The following CHRM3 variants were observed in gnomAD, a reference collection of about 807,000 sequenced individuals.
CHRM3 encodes the protein cholinergic receptor muscarinic 3, also known as muscarinic acetylcholine receptor M3.
In CHRM3, 11 loss-of-function variants were observed where a neutral mutation model predicts 41.8. That is an observed-to-expected ratio of 0.26 (90% confidence interval 0.17 to 0.44). The LOEUF is 0.44. Ranked by LOEUF, CHRM3 falls within the 20% of genes least tolerant of loss-of-function variation. The pLI is 1.00. For missense variants in CHRM3, 571 were observed against 745.4 expected (o/e 0.77, Z 2.72); for synonymous variants, 297 against 301.4 (o/e 0.99, Z 0.15).
chr1:239,568,753 A>G (rs1214059036), intron 3 of CHRM3, among the ~76,000 whole-genome samples: 1 of 151,998 alleles, frequency 6.6e-6, no homozygotes, highest in African/African-American at 2.4e-5. Flanking sequence ...GGACCCACAA[A>G]AGGGCAGCTT....
At position 239,882,550 on chromosome 1, in the gene CHRM3, C is replaced by G. The variant is rs534395330; in HGVS notation, c.-19-24883C>G. 3.3e-5 allele frequency among the ~76,000 whole-genome samples: 5 copies of G among 152,230 alleles called. No individual in the cohort carries two copies. In the South Asian group the frequency reaches 1.0e-3, roughly 32 times the overall value. On this transcript the variant is annotated intron_variant, in intron 6 of 6. Coordinates refer to ENST00000676153, the MANE Select transcript of CHRM3 (RefSeq NM_001375978.1). ...TTACCACTTAGGTACAGAGAGATAACAGAGAGATGCAGGAAGTTGCCTAAG... is the reference window on the plus strand; with the variant it reads ...TTACCACTTAGGTACAGAGAGATAAGAGAGAGATGCAGGAAGTTGCCTAAG...
At chr1:239,480,545 T>A (rs1050464924) in intron 1 of CHRM3, among the ~76,000 whole-genome samples, 2 of 73,468 alleles carry the variant, frequency 2.7e-5, no homozygotes, top group Admixed American at 1.1e-4. Flanking sequence ...ATAGCCCAAT[T>A]TTTTTTTTTT....
chr1:239,759,404 A>G (rs1666548098), intron 5 of CHRM3, among the ~76,000 whole-genome samples: 1 of 151,818 alleles, frequency 6.6e-6, no homozygotes, highest in Non-Finnish European at 1.5e-5. Flanking sequence ...GAGGATGAAT[A>G]TAAGTACCCT....
chr1:239,431,381 T>C (rs935921309), intron 1 of CHRM3, among the ~76,000 whole-genome samples: 34 of 152,182 alleles, frequency 2.2e-4, no homozygotes, highest in African/African-American at 8.2e-4. Context: ...GCAATTAAAA[T>C]GCCTGAGGAT....
At chr1:239,467,347 G>A (rs890318605) in intron 1 of CHRM3, among the ~76,000 whole-genome samples, 1 of 152,104 alleles carries the variant, frequency 6.6e-6, no homozygotes, top group Admixed American at 6.5e-5. Context: ...TGTCACCCAG[G>A]CTGGAGTGCA....
chr1:239,761,841 T>C (rs1666811262), intron 5 of CHRM3, among the ~76,000 whole-genome samples: 1 of 152,200 alleles, frequency 6.6e-6, no homozygotes, highest in Admixed American at 6.5e-5. Context: ...TTCCTCGCTT[T>C]GCCACTTTCT....
chr1:239,691,859 G>T (rs1031068380), intron 5 of CHRM3, among the ~76,000 whole-genome samples: 1 of 152,148 alleles, frequency 6.6e-6, no homozygotes, highest in African/African-American at 2.4e-5. Context: ...CACCATTTGA[G>T]AATCCCCCCT....
chr1:239,888,903 A>G (rs1353446687), intron 6 of CHRM3, among the ~76,000 whole-genome samples: 2 of 152,130 alleles, frequency 1.3e-5, no homozygotes, highest in Non-Finnish European at 2.9e-5. Context: ...AGACTGAGTA[A>G]CCAAGCTAAG....
intron 1 of CHRM3, among the ~76,000 whole-genome samples, chr1:239,490,343 T>A (rs1667474870): frequency 6.6e-6 from 1 of 152,152 alleles, no homozygotes; most frequent in Non-Finnish European, 1.5e-5. Context: ...TGTTTCTAAA[T>A]TTATTTATGA....
intron 1 of CHRM3, among the ~76,000 whole-genome samples, chr1:239,405,504 A>G (rs1660523819): frequency 6.6e-6 from 1 of 152,158 alleles, no homozygotes; most frequent in Non-Finnish European, 1.5e-5. Flanking sequence ...ATTAGAATAG[A>G]TGGGTGTAGT....
chr1:239,445,516 C>T (rs561519744), intron 1 of CHRM3, among the ~76,000 whole-genome samples: 5 of 152,196 alleles, frequency 3.3e-5, no homozygotes, highest in African/African-American at 1.2e-4. Context: ...GACTGTGTAG[C>T]CACTGTCTAA....
At chr1:239,530,887 G>A (rs997223426) in intron 2 of CHRM3, among the ~76,000 whole-genome samples, 2 of 152,060 alleles carry the variant, frequency 1.3e-5, no homozygotes, top group African/African-American at 2.4e-5. Context: ...AAAGAAAAAG[G>A]CAGAAAAGGC....
At chr1:239,596,048 T>A (rs1664737977) in intron 3 of CHRM3, among the ~76,000 whole-genome samples, 1 of 152,222 alleles carries the variant, frequency 6.6e-6, no homozygotes, top group Non-Finnish European at 1.5e-5. Flanking sequence ...TGGATGTATT[T>A]ATAAAAGTTA....
At chr1:239,657,051 A>G (rs1451686997) in intron 4 of CHRM3, among the ~76,000 whole-genome samples, 1 of 152,216 alleles carries the variant, frequency 6.6e-6, no homozygotes, top group Non-Finnish European at 1.5e-5. Context: ...TTATAATGCT[A>G]TACTGGTACA....
At chr1:239,591,520 G>A (rs568713730) in intron 3 of CHRM3, among the ~76,000 whole-genome samples, 49 of 152,052 alleles carry the variant, frequency 3.2e-4, no homozygotes, top group Admixed American at 2.4e-3. Flanking sequence ...TGACTGCAGC[G>A]GACTGCTTAG....
chr1:239,679,131 G>C (rs1259792601), intron 5 of CHRM3, among the ~76,000 whole-genome samples: 1 of 152,134 alleles, frequency 6.6e-6, no homozygotes, highest in South Asian at 2.1e-4. Context: ...AGTATGCAAT[G>C]ACTAAGGGAT....
At chr1:239,534,202 C>T (rs934145190) in intron 2 of CHRM3, among the ~76,000 whole-genome samples, 4 of 152,104 alleles carry the variant, frequency 2.6e-5, no homozygotes, top group African/African-American at 9.7e-5. Context: ...GTGGCAGATG[C>T]CTGTAATGCC....
At chr1:239,873,879 C>T (rs1676807739) in intron 6 of CHRM3, among the ~76,000 whole-genome samples, 1 of 152,190 alleles carries the variant, frequency 6.6e-6, no homozygotes, top group South Asian at 2.1e-4. Context: ...AGTCCCCCCT[C>T]TCCTCCTAAC....
rs562692012 is a variant in CHRM3 at position 239,642,379 on chromosome 1, T to C, written c.-250+10093T>C. Among the ~76,000 whole-genome samples the C allele has an allele frequency of 2.7e-4, 41 of 152,186 alleles. No homozygotes were observed. The East Asian group carries it at 7.9e-3, about 29-fold the overall frequency. On this transcript the variant is annotated intron_variant, in intron 4 of 6. Coordinates refer to ENST00000676153, the MANE Select transcript of CHRM3 (RefSeq NM_001375978.1). ...AGAGTGTTTTCCAACTTGGTTCCATTCTCCCCGTCACTTTCAGGTACACCA... is the reference window on the plus strand; with the variant it reads ...AGAGTGTTTTCCAACTTGGTTCCATCCTCCCCGTCACTTTCAGGTACACCA...
Sources: allele counts gnomAD v4.1 joint callset (sites outside exome capture counted in the v4.1 genomes callset), GRCh38; gene constraint gnomAD v4.1.1; transcripts MANE v1.5; gene names NCBI Gene and HGNC (gene_info 2026-07-23, HGNC 2026-07-21).